KANK1: variants seen among roughly 807,000 people sequenced by gnomAD.
KANK1 encodes the protein KN motif and ankyrin repeat domain-containing protein 1.
In KANK1, 109 loss-of-function variants were observed where a neutral mutation model predicts 106.2. The ratio of observed to expected loss-of-function variants is 1.03; its 90% confidence interval spans 0.88 to 1.20. The LOEUF is 1.20. KANK1 is among the 50% of genes most tolerant of loss of function. The pLI is 0.00. For missense variants in KANK1, 2,399 were observed against 1,710.7 expected, an observed-to-expected ratio of 1.40 and a Z score of -7.10; for synonymous variants, 873 against 652.2, an observed-to-expected ratio of 1.34 and a Z score of -5.16.
intron 1 of KANK1, among the ~76,000 whole-genome samples, chr9:600,220 A>T (rs1223094996): frequency 6.6e-6 from 1 of 151,640 alleles, no homozygotes; most frequent in Non-Finnish European, 1.5e-5. Context: ...TTCCCCTGGC[A>T]GCCATTCTAC....
chr9:507,133 CTTT>C (rs60184146), intron 1 of KANK1, among the ~76,000 whole-genome samples: 2 of 136,610 alleles, frequency 1.5e-5, no homozygotes. Context: ...CTTATGCCAT[CTTT>C]TTTTTTTTTT....
At chr9:686,737 C>CAATAAGTG (rs1373339332) in intron 2 of KANK1, 26 of 984,558 alleles carry the variant, frequency 2.6e-5, no homozygotes, top group Non-Finnish European at 3.0e-5. Context: ...ATGATTGTTA[C>CAATAAGTG]CTATGAGCCT....
intron 1 of KANK1, among the ~76,000 whole-genome samples, chr9:605,026 G>A (rs1021545358): frequency 6.6e-6 from 1 of 151,758 alleles, no homozygotes; most frequent in Non-Finnish European, 1.5e-5. Flanking sequence ...ACCTCCTGCT[G>A]AGAGTGGTGG....
At chr9:493,618 G>A (rs4260938) in intron 3 of KANK1, among the ~76,000 whole-genome samples, 35,339 of 146,118 alleles carry the variant, frequency 0.24, 7,696 homozygotes, top group African/African-American at 0.58. Context: ...GGTGATCTCG[G>A]CTCACTGCAA....
intron 1 of KANK1, among the ~76,000 whole-genome samples, chr9:648,022 TACAG>T (rs1164889480): frequency 7.7e-6 from 1 of 129,046 alleles, no homozygotes; most frequent in Non-Finnish European, 1.6e-5. Context: ...TTTTTTTTGA[TACAG>T]AGTCTTGCTC....
chr9:564,153 G>A (rs1046035760), intron 1 of KANK1, among the ~76,000 whole-genome samples: 8 of 151,030 alleles, frequency 5.3e-5, no homozygotes, highest in Admixed American at 6.6e-5. Flanking sequence ...TCCGCCTCCC[G>A]GGTTCACGCC....
intron 1 of KANK1, among the ~76,000 whole-genome samples, chr9:522,619 C>T (rs1387481425): frequency 1.3e-5 from 2 of 151,734 alleles, no homozygotes; most frequent in African/African-American, 4.9e-5. Context: ...GTTGAACTGG[C>T]AGAAGGCAAA....
chr9:710,715 A>G, intron 2 of KANK1, 89 bp from the exon 3 acceptor site: 3 of 1,243,996 alleles, frequency 2.4e-6, no homozygotes, highest in Non-Finnish European at 3.3e-6. Context: ...AAATCATACC[A>G]GCTTGCTGTA....
intron 3 of KANK1, among the ~76,000 whole-genome samples, chr9:718,953 CTT>C (rs35097931): frequency 0.011 from 828 of 78,210 alleles, 5 homozygotes; most frequent in African/African-American, 0.04. Context: ...TGCTCGAGCC[CTT>C]TTTTTTTTTT....
chr9:722,860 A>G (rs991912300), intron 3 of KANK1, among the ~76,000 whole-genome samples: 1 of 152,212 alleles, frequency 6.6e-6, no homozygotes, highest in Non-Finnish European at 1.5e-5. Flanking sequence ...CCAAATAAGA[A>G]TGTAGCAGGG....
rs1298819993 is a variant in KANK1 at position 711,979 on chromosome 9, G to A, written c.1213G>A (p.Ala405Thr). 1.9e-6 allele frequency: 3 copies of A among 1,614,204 alleles called. No individual in the cohort carries two copies. The highest frequency in any genetic ancestry group is 2.5e-6 in the Non-Finnish European group (3 of 1,180,042). Residue 405 changes from alanine (A) to threonine (T), a missense_variant, in exon 3 of 12, where the codon GCC becomes ACC. Physicochemically the swap from Ala to Thr is moderately conservative, Grantham distance 58. Coordinates refer to ENST00000382297, the MANE Select transcript of KANK1 (RefSeq NM_015158.5). ...NGECRSVAVG[A>T]EENMNDIVVY... Reference sequence around the variant, plus strand: ...AGAGTGCCGGTCTGTGGCTGTGGGTGCCGAGGAGAACATGAACGACATCGT... The same window carrying A: ...AGAGTGCCGGTCTGTGGCTGTGGGTACCGAGGAGAACATGAACGACATCGT...
At chr9:702,754 C>T (rs1823007501) in intron 2 of KANK1, among the ~76,000 whole-genome samples, 1 of 152,054 alleles carries the variant, frequency 6.6e-6, no homozygotes, top group African/African-American at 2.4e-5. Flanking sequence ...AAAAACTTGC[C>T]CTGCTCCAGG....
intron 1 of KANK1, among the ~76,000 whole-genome samples, chr9:554,886 A>G (rs2061489695): frequency 6.6e-6 from 1 of 152,220 alleles, no homozygotes; most frequent in Non-Finnish European, 1.5e-5. Flanking sequence ...ATCTTGGGGT[A>G]AACACTGCAG....
At chr9:634,757 A>C (rs1836667400) in intron 1 of KANK1, among the ~76,000 whole-genome samples, 1 of 152,228 alleles carries the variant, frequency 6.6e-6, no homozygotes, top group East Asian at 1.9e-4. Context: ...GGCCAGAAGC[A>C]AGATGGAGTT....
At chr9:529,930 C>T (rs1375790978) in intron 1 of KANK1, among the ~76,000 whole-genome samples, 1 of 152,170 alleles carries the variant, frequency 6.6e-6, no homozygotes, top group Non-Finnish European at 1.5e-5. Context: ...TTCTTTATAT[C>T]GTTGCCAGTA....
rs949996114 is a variant in KANK1, at chr9:684,161, C to A, written c.37+7152C>A. 7 of 985,218 alleles carry A rather than the reference C, an allele frequency of 7.1e-6. No individual in the cohort carries two copies. The South Asian group carries it at 1.9e-4, about 26-fold the overall frequency. The allele number at this position is 985,218 out of a possible 1,614,324, so 61.0% of individuals were successfully genotyped here. A position where few individuals can be genotyped will look rare whatever the true frequency, so the allele number is the denominator to read the frequency against. On this transcript the variant is annotated intron_variant, in intron 2 of 11. Transcript: ENST00000382297. ...TTGTTTTAACCTGTAGCCAGCTTCG[C>A]CTTATAAGCTTTCTTGCCCCAAGCC...
intron 1 of KANK1, among the ~76,000 whole-genome samples, chr9:559,459 T>G (rs1320697126): frequency 6.6e-6 from 1 of 152,114 alleles, no homozygotes; most frequent in Non-Finnish European, 1.5e-5. Flanking sequence ...TGACTGAATA[T>G]GTGGTACTTG....
chr9:639,126 C>T (rs776958132), intron 1 of KANK1, among the ~76,000 whole-genome samples: 1 of 152,098 alleles, frequency 6.6e-6, no homozygotes, highest in Non-Finnish European at 1.5e-5. Flanking sequence ...TTGCTGAACA[C>T]TTTGTTTCAC....
At chr9:522,772 A>G (rs1197492338) in intron 1 of KANK1, among the ~76,000 whole-genome samples, 5 of 151,610 alleles carry the variant, frequency 3.3e-5, no homozygotes, top group Admixed American at 3.3e-4. Flanking sequence ...AAGCTTAGCA[A>G]TGTGTGCCTG....
Sources: gnomAD v4.1 joint callset for allele counts (sites outside exome capture counted in the v4.1 genomes callset) on GRCh38, gnomAD v4.1.1 for gene constraint, MANE v1.5 for transcripts, NCBI Gene and HGNC (gene_info 2026-07-23, HGNC 2026-07-21) for gene names.